The following CADM1 variants were observed in gnomAD, a reference collection of about 807,000 sequenced individuals.
The protein encoded by CADM1 is cell adhesion molecule 1.
In CADM1, 15 loss-of-function variants were observed where a neutral mutation model predicts 53.1. The observed-to-expected ratio is 0.28, with a 90% CI of 0.19 to 0.44. The LOEUF (loss-of-function observed/expected upper bound fraction) is 0.44. CADM1 is among the 20% of genes least tolerant of loss of function. CADM1 has a pLI of 1.00. For synonymous variants in CADM1, 281 were observed against 243.0 expected (o/e 1.16, Z -1.45); for missense variants, 434 against 611.3 (o/e 0.71, Z 3.06).
intron 1 of CADM1, among the ~76,000 whole-genome samples, chr11:115,270,351 G>GA (rs1031791709): frequency 2.6e-5 from 4 of 152,142 alleles, no homozygotes; most frequent in East Asian, 1.9e-4. Flanking sequence ...TACAGAGGGG[G>GA]AAAAATGTTG....
chr11:115,409,914 C>G (rs543375883), intron 1 of CADM1, among the ~76,000 whole-genome samples: 3 of 152,264 alleles, frequency 2.0e-5, no homozygotes, highest in Admixed American at 6.5e-5. Flanking sequence ...GGGGTCTGTA[C>G]GCAAAACATG....
At chr11:115,466,165 G>A (rs1443699198) in intron 1 of CADM1, among the ~76,000 whole-genome samples, 26 of 152,092 alleles carry the variant, frequency 1.7e-4, no homozygotes, top group East Asian at 1.9e-4. Context: ...AATCAAAACT[G>A]CAATGACTTG....
chr11:115,330,145 T>A (rs1400017163), intron 1 of CADM1, among the ~76,000 whole-genome samples: 1 of 151,924 alleles, frequency 6.6e-6, no homozygotes, highest in Non-Finnish European at 1.5e-5. Context: ...ACCACCCTCT[T>A]TTACCCAGTA....
At chr11:115,190,710 A>C in intron 10 of CADM1, 178 bp downstream of exon 10, 1 of 576,542 alleles carries the variant, frequency 1.7e-6, no homozygotes, top group Non-Finnish European at 3.1e-6. Context: ...TATCGCTACC[A>C]CAGAGAAAAC....
chr11:115,179,325 A>G (rs6589482), intron 10 of CADM1, among the ~76,000 whole-genome samples: 14,652 of 152,290 alleles, frequency 0.096, 1,012 homozygotes, highest in East Asian at 0.31. Context: ...TACATTTAGG[A>G]TGTATGAAGG....
intron 1 of CADM1, among the ~76,000 whole-genome samples, chr11:115,294,018 G>A (rs2135116811): frequency 6.6e-6 from 1 of 152,300 alleles, no homozygotes; most frequent in South Asian, 2.1e-4. Context: ...ATCAGATATT[G>A]AGATTCATGA....
chr11:115,495,266 A>T (rs1214625931), intron 1 of CADM1, among the ~76,000 whole-genome samples: 1 of 152,244 alleles, frequency 6.6e-6, no homozygotes, highest in Non-Finnish European at 1.5e-5. Flanking sequence ...TGTAACATCC[A>T]GGAGGCTGGA....
At chr11:115,446,184 ATAT>A (rs3045750) in intron 1 of CADM1, among the ~76,000 whole-genome samples, 22,102 of 152,182 alleles carry the variant, frequency 0.15, 1,791 homozygotes, top group Non-Finnish European at 0.17. Flanking sequence ...AGTGCTTTAC[ATAT>A]TATTATCATT....
At chr11:115,194,177 GT>G (rs1279203178) in intron 9 of CADM1, 1 of 152,188 alleles carries the variant, frequency 6.6e-6, no homozygotes, top group East Asian at 1.9e-4. Context: ...GAATGCCATT[GT>G]TATGTGCTCA....
intron 1 of CADM1, among the ~76,000 whole-genome samples, chr11:115,348,305 C>T (rs552147140): frequency 6.6e-6 from 1 of 152,318 alleles, no homozygotes; most frequent in African/African-American, 2.4e-5. Flanking sequence ...AATTACTAGG[C>T]TGAAATCTGT....
chr11:115,317,782 C>T (rs1034638277), intron 1 of CADM1, among the ~76,000 whole-genome samples: 2 of 152,304 alleles, frequency 1.3e-5, no homozygotes, highest in Middle Eastern at 3.4e-3. Flanking sequence ...CCCTTAATTA[C>T]AGTGGTAATT....
At chr11:115,417,500 A>G (rs1290058681) in intron 1 of CADM1, among the ~76,000 whole-genome samples, 2 of 152,342 alleles carry the variant, frequency 1.3e-5, no homozygotes, top group East Asian at 3.9e-4. Flanking sequence ...ATGAGGCACA[A>G]TAAGAGACTG....
chr11:115,451,905 A>C (rs1247444728), intron 1 of CADM1, among the ~76,000 whole-genome samples: 1 of 152,048 alleles, frequency 6.6e-6, no homozygotes, highest in Non-Finnish European at 1.5e-5. Flanking sequence ...TCAGGAGAGC[A>C]TCTGGGGCTG....
intron 6 of CADM1, among the ~76,000 whole-genome samples, chr11:115,217,658 T>C (rs758092905): frequency 3.9e-5 from 6 of 152,154 alleles, no homozygotes; most frequent in Non-Finnish European, 8.8e-5. Flanking sequence ...AATAATAAAA[T>C]AGAATTAGCT....
chr11:115,366,352 T>C (rs142747197), intron 1 of CADM1, among the ~76,000 whole-genome samples: 335 of 152,288 alleles, frequency 2.2e-3, no homozygotes, highest in Non-Finnish European at 3.6e-3. Flanking sequence ...CATGCAAAAA[T>C]ACAAAATGCA....
At position 115,175,632 on chromosome 11, in the gene CADM1, C is replaced by T; in HGVS notation, c.*842G>A. 1 of 985,624 alleles carries T rather than the reference C, an allele frequency of 1.0e-6. No individual in the cohort carries two copies. Among genetic ancestry groups the T allele is most frequent in the Non-Finnish European group, 1.2e-6 (1 of 829,976 alleles). 61.1% of individuals were successfully genotyped at this position (985,624 alleles called of 1,614,324 possible). On this transcript the variant is annotated 3_prime_UTR_variant, in exon 12 of 12. Transcript: ENST00000331581. ...TTTAGGGCATGGAAAAAGGAGGAGT[C>T]CTTTCTGCCCCAAACCTTTCTGGAC...
chr11:115,362,296 T>C (rs1946049579), intron 1 of CADM1, among the ~76,000 whole-genome samples: 1 of 152,208 alleles, frequency 6.6e-6, no homozygotes, highest in Admixed American at 6.5e-5. Context: ...TCCTTTGCCC[T>C]ATCTTATACC....
rs368904365 is a variant in CADM1 at position 115,209,556 on chromosome 11, G to T, written c.1078+18C>A. 1.4e-6 allele frequency: 2 copies of T among 1,386,554 alleles called. No individual in the cohort carries two copies. Among genetic ancestry groups the T allele is most frequent in the Non-Finnish European group, 1.9e-6 (2 of 1,035,048 alleles). 85.9% of individuals were successfully genotyped at this position (1,386,554 alleles called of 1,614,324 possible). A position where few individuals can be genotyped will look rare whatever the true frequency, so the allele number is the denominator to read the frequency against. ...ATATACATTCAGGACATTTTCAATG[G>T]TAATGAAGATACCATACCTGTGATG... On this transcript the variant is annotated intron_variant, in intron 8 of 11. Transcript: ENST00000331581.
At chr11:115,428,219 T>A (rs1947945906) in intron 1 of CADM1, among the ~76,000 whole-genome samples, 1 of 152,106 alleles carries the variant, frequency 6.6e-6, no homozygotes, top group Admixed American at 6.5e-5. Flanking sequence ...TATATAGGTT[T>A]AAAATATCTA....
Sources: allele counts gnomAD v4.1 joint callset (sites outside exome capture counted in the v4.1 genomes callset), GRCh38; gene constraint gnomAD v4.1.1; transcripts MANE v1.5; gene names NCBI Gene and HGNC (gene_info 2026-07-23, HGNC 2026-07-21).